Variants in HDAC9 observed in about 807,000 individuals in gnomAD.
The protein encoded by HDAC9 is MEF-2 interacting transcription repressor (MITR) protein.
HDAC9 carries 41 observed loss-of-function variants against 139.4 expected under a neutral mutation model. The observed-to-expected ratio is 0.29, with a 90% CI of 0.23 to 0.38. HDAC9 has a LOEUF of 0.38. Ranked by LOEUF, HDAC9 falls within the 10% of genes least tolerant of loss-of-function variation. HDAC9 has a pLI of 1.00. For missense variants in HDAC9, 1,147 were observed against 1,297.0 expected (o/e 0.88, Z 1.78); for synonymous variants, 517 against 476.2 (o/e 1.09, Z -1.12).
At chr7:18,579,606 A>G (rs1462144790) in intron 2 of HDAC9, among the ~76,000 whole-genome samples, 1 of 152,220 alleles carries the variant, frequency 6.6e-6, no homozygotes, top group Non-Finnish European at 1.5e-5. Flanking sequence ...TTTCCCAGGT[A>G]AAAATAACGT....
chr7:18,803,928 A>G lies in HDAC9; in HGVS notation c.2322+10476A>G, dbSNP rs182941248. 5.3e-5 allele frequency among the ~76,000 whole-genome samples: 8 copies of G among 152,364 alleles called. No homozygotes were observed. The East Asian group carries it at 1.3e-3, about 26-fold the overall frequency. On this transcript the variant is annotated intron_variant, in intron 17 of 25. Transcript: ENST00000686413. The stretch of plus-strand genomic sequence containing the variant: ...TAAAAAAAACATGTTTCAAGTACCT[A>G]TCATATGCCAGAAACTACTTTAAAT...
chr7:18,437,415 T>C (rs1791305749), intron 1 of HDAC9, among the ~76,000 whole-genome samples: 1 of 152,086 alleles, frequency 6.6e-6, no homozygotes, highest in Admixed American at 6.6e-5. Flanking sequence ...TTTGCATCTT[T>C]ATGTGCTCAT....
chr7:18,929,494 C>T (rs984459351), intron 22 of HDAC9, among the ~76,000 whole-genome samples: 11 of 151,946 alleles, frequency 7.2e-5, no homozygotes, highest in Non-Finnish European at 1.5e-4. Flanking sequence ...TAGAATCCTT[C>T]TCATGCTTAT....
intron 15 of HDAC9, among the ~76,000 whole-genome samples, chr7:18,763,830 A>G (rs1403513953): frequency 1.3e-5 from 2 of 152,124 alleles, no homozygotes; most frequent in Non-Finnish European, 2.9e-5. Context: ...CCCACTTTTT[A>G]AAAATCTCTG....
At chr7:18,149,126 T>C (rs886530936) in intron 1 of HDAC9, among the ~76,000 whole-genome samples, 5 of 152,154 alleles carry the variant, frequency 3.3e-5, no homozygotes, top group African/African-American at 1.2e-4. Context: ...GTTACCCAAT[T>C]GGATGGATGT....
At chr7:18,448,466 A>AT (rs1300583966) in intron 1 of HDAC9, among the ~76,000 whole-genome samples, 1 of 152,158 alleles carries the variant, frequency 6.6e-6, no homozygotes, top group African/African-American at 2.4e-5. Context: ...TTCTTTAAAG[A>AT]TTTTATATAT....
chr7:18,822,441 G>A (rs1294953346), intron 17 of HDAC9, among the ~76,000 whole-genome samples: 4 of 152,198 alleles, frequency 2.6e-5, no homozygotes, highest in East Asian at 1.9e-4. Flanking sequence ...TGCAGCTGCC[G>A]CCTCCCGGGT....
intron 2 of HDAC9, among the ~76,000 whole-genome samples, chr7:18,265,930 A>G (rs559328336): frequency 6.6e-6 from 1 of 152,322 alleles, no homozygotes; most frequent in South Asian, 2.1e-4. Flanking sequence ...CTATAATACC[A>G]CACCGAAACT....
chr7:18,698,957 T>C (rs1031654870), intron 12 of HDAC9, among the ~76,000 whole-genome samples: 1 of 152,218 alleles, frequency 6.6e-6, no homozygotes, highest in Non-Finnish European at 1.5e-5. Context: ...TCCTATTTGT[T>C]GGGAAAAAGA....
intron 22 of HDAC9, among the ~76,000 whole-genome samples, chr7:18,919,009 TG>T (rs1427382214): frequency 3.9e-5 from 6 of 152,026 alleles, no homozygotes; most frequent in Admixed American, 2.0e-4. Flanking sequence ...TTTAAGTCGT[TG>T]GTAATAAAGA....
intron 6 of HDAC9, among the ~76,000 whole-genome samples, chr7:18,606,106 C>T (rs1157763618): frequency 6.6e-6 from 1 of 152,228 alleles, no homozygotes; most frequent in East Asian, 1.9e-4. Context: ...CTTCTGCTCA[C>T]TGTAAGCTGA....
chr7:18,872,522 G>A (rs1280007755), intron 21 of HDAC9, among the ~76,000 whole-genome samples: 2 of 152,116 alleles, frequency 1.3e-5, no homozygotes, highest in Non-Finnish European at 2.9e-5. Flanking sequence ...CTGATTCACG[G>A]TAGCAAGATT....
rs997943137 is a variant in HDAC9, at chr7:18,706,520, G to A, written c.1732-21060G>A. On this transcript the variant is annotated intron_variant, in intron 12 of 25. Coordinates refer to ENST00000686413, the MANE Select transcript of HDAC9 (RefSeq NM_178425.4). ...TGATTCTTTATTTGACATCATTTAT[G>A]TGCTGGACACTGGACAGGATTCTGG... 3.9e-5 allele frequency among the ~76,000 whole-genome samples: 6 copies of A among 152,236 alleles called. No homozygotes were observed. In the East Asian group the frequency reaches 9.7e-4, roughly 25 times the overall value.
intron 1 of HDAC9, among the ~76,000 whole-genome samples, chr7:18,324,876 T>A (rs1420075723): frequency 1.3e-5 from 2 of 152,144 alleles, no homozygotes; most frequent in Non-Finnish European, 2.9e-5. Context: ...CACCAAATAC[T>A]AAAATACAGC....
chr7:18,234,129 C>G (rs59534338), intron 2 of HDAC9, among the ~76,000 whole-genome samples: 4,874 of 152,232 alleles, frequency 0.032, 281 homozygotes, highest in African/African-American at 0.11. Context: ...AGAGCTTTCT[C>G]CCTTCCAGAC....
At chr7:18,366,867 A>T (rs182662035) in intron 1 of HDAC9, among the ~76,000 whole-genome samples, 9 of 151,248 alleles carry the variant, frequency 6.0e-5, no homozygotes, top group African/African-American at 2.2e-4. Context: ...CACATCTTCT[A>T]TATATTGTGT....
intron 25 of HDAC9, among the ~76,000 whole-genome samples, chr7:18,978,305 A>C (rs975015325): frequency 6.6e-6 from 1 of 152,154 alleles, no homozygotes; most frequent in Non-Finnish European, 1.5e-5. Context: ...TGGCCAACTC[A>C]TATCTGACTC....
chr7:18,611,889 C>G (rs1837258790), intron 6 of HDAC9, among the ~76,000 whole-genome samples: 1 of 152,084 alleles, frequency 6.6e-6, no homozygotes, highest in African/African-American at 2.4e-5. Context: ...ATTAAAATCA[C>G]AAATTTTTGT....
intron 2 of HDAC9, among the ~76,000 whole-genome samples, chr7:18,253,197 A>T (rs1354976388): frequency 6.6e-6 from 1 of 152,206 alleles, no homozygotes; most frequent in Non-Finnish European, 1.5e-5. Context: ...TGTTGTGAAT[A>T]CTACTGCAGT....
Sources: gnomAD v4.1 joint callset for allele counts (sites outside exome capture counted in the v4.1 genomes callset) on GRCh38, gnomAD v4.1.1 for gene constraint, MANE v1.5 for transcripts, NCBI Gene and HGNC (gene_info 2026-07-23, HGNC 2026-07-21) for gene names.